TAOK1: variants seen among roughly 807,000 people sequenced by gnomAD.
The protein encoded by TAOK1 is TAO kinase 1, also known as serine/threonine-protein kinase TAO1.
TAOK1 carries 21 observed loss-of-function variants against 138.3 expected under a neutral mutation model. That is an observed-to-expected ratio of 0.15 (90% confidence interval 0.11 to 0.22). The LOEUF (loss-of-function observed/expected upper bound fraction) is 0.22, where lower values mean the gene tolerates loss of function less well. TAOK1 is among the 10% of genes least tolerant of loss of function. The pLI is 1.00. For synonymous variants in TAOK1, 361 were observed against 398.4 expected, an observed-to-expected ratio of 0.91 and a Z score of 1.12; for missense variants, 651 against 1,227.7, an observed-to-expected ratio of 0.53 and a Z score of 7.02.
At chr17:29,409,667 G>A (rs1471599533) in intron 1 of TAOK1, among the ~76,000 whole-genome samples, 2 of 152,020 alleles carry the variant, frequency 1.3e-5, no homozygotes, top group African/African-American at 4.8e-5. Flanking sequence ...CTAACCCTAA[G>A]TCTTCTAAAT....
At chr17:29,468,423 C>T (rs2030735053) in intron 3 of TAOK1, among the ~76,000 whole-genome samples, 1 of 151,864 alleles carries the variant, frequency 6.6e-6, no homozygotes, top group Non-Finnish European at 1.5e-5. Context: ...AGGCGTAAGC[C>T]ACCGCTCCCA....
chr17:29,435,855 G>C (rs1451428509), intron 1 of TAOK1, among the ~76,000 whole-genome samples: 3 of 152,240 alleles, frequency 2.0e-5, no homozygotes, highest in Non-Finnish European at 4.4e-5. Flanking sequence ...GATAGGCGGG[G>C]TGCGGTGGCT....
chr17:29,536,014 C>T (rs991423674), intron 19 of TAOK1, among the ~76,000 whole-genome samples: 4 of 152,112 alleles, frequency 2.6e-5, no homozygotes, highest in Non-Finnish European at 5.9e-5. Flanking sequence ...AAGATAAGGC[C>T]AGGCACAGTG....
At chr17:29,503,395 CAAAAAAA>C (rs5819870) in intron 13 of TAOK1, among the ~76,000 whole-genome samples, 11 of 84,970 alleles carry the variant, frequency 1.3e-4, no homozygotes, top group South Asian at 7.8e-4. Flanking sequence ...GACTCTGTCT[CAAAAAAA>C]AAAAAAAAAA....
At chr17:29,501,405 A>C (rs539807068) in intron 12 of TAOK1, among the ~76,000 whole-genome samples, 90 of 147,752 alleles carry the variant, frequency 6.1e-4, no homozygotes, top group Middle Eastern at 7.0e-3. Context: ...TCTGGGCAAC[A>C]AAATGGAGAC....
intron 1 of TAOK1, among the ~76,000 whole-genome samples, chr17:29,400,135 T>G (rs1904791620): frequency 6.6e-6 from 1 of 152,144 alleles, no homozygotes; most frequent in East Asian, 1.9e-4. Context: ...GGCTCAGGCC[T>G]GTAATCTCAG....
chr17:29,441,959 G>A (rs1041749422), intron 1 of TAOK1, among the ~76,000 whole-genome samples: 5 of 151,060 alleles, frequency 3.3e-5, no homozygotes, highest in African/African-American at 1.2e-4. Flanking sequence ...CTATCTTTTT[G>A]TTCTTTTCTG....
intron 1 of TAOK1, chr17:29,404,135 G>C (rs1310724366): frequency 6.6e-6 from 1 of 151,776 alleles, no homozygotes; most frequent in Non-Finnish European, 1.5e-5. Context: ...TGTGTGGGGG[G>C]GGATTTTGTT....
At chr17:29,430,911 G>A (rs960887955) in intron 1 of TAOK1, among the ~76,000 whole-genome samples, 1 of 152,164 alleles carries the variant, frequency 6.6e-6, no homozygotes, top group Non-Finnish European at 1.5e-5. Context: ...ACCTGGAACT[G>A]GCTGGAACTT....
chr17:29,392,776 T>C (rs1044213555), intron 1 of TAOK1, among the ~76,000 whole-genome samples: 1 of 152,238 alleles, frequency 6.6e-6, no homozygotes, highest in African/African-American at 2.4e-5. Flanking sequence ...CAGCTCTACT[T>C]AGTGACTTAT....
At chr17:29,395,579 C>T (rs548521540) in intron 1 of TAOK1, among the ~76,000 whole-genome samples, 52 of 150,880 alleles carry the variant, frequency 3.4e-4, no homozygotes, top group African/African-American at 1.1e-3. Flanking sequence ...AGTAAAGTTT[C>T]GCATAAAATT....
At chr17:29,450,529 T>A (rs1017120738) in intron 1 of TAOK1, among the ~76,000 whole-genome samples, 3 of 151,644 alleles carry the variant, frequency 2.0e-5, no homozygotes, top group African/African-American at 7.3e-5. Context: ...TGTTTTGTTT[T>A]GAGACAGGAT....
At chr17:29,446,737 CTTTT>C (rs34871616) in intron 1 of TAOK1, among the ~76,000 whole-genome samples, 1 of 119,868 alleles carries the variant, frequency 8.3e-6, no homozygotes, top group African/African-American at 3.3e-5. Flanking sequence ...TTTTACTGTA[CTTTT>C]TTTTTTTTTT....
At chr17:29,515,510 C>T (rs1011849479) in intron 15 of TAOK1, among the ~76,000 whole-genome samples, 2 of 152,154 alleles carry the variant, frequency 1.3e-5, no homozygotes, top group Non-Finnish European at 2.9e-5. Context: ...GTACATATCT[C>T]TCTTTCCTTT....
At position 29,547,217 on chromosome 17, in the gene TAOK1, A is replaced by G. The variant is rs2032416288; in HGVS notation, c.*4195A>G. On this transcript the variant is annotated 3_prime_UTR_variant, in exon 20 of 20. Transcript: ENST00000261716. Reference sequence around the variant, plus strand: ...TACCATTGATCCTCTTACTTTTTTTACTCCATTAATACTAATAATTATATA... The same window carrying G: ...TACCATTGATCCTCTTACTTTTTTTGCTCCATTAATACTAATAATTATATA... The G allele has an allele frequency of 6.6e-6, 1 of 151,978 alleles. No homozygotes were observed. Among genetic ancestry groups the G allele is most frequent in the Non-Finnish European group, 1.5e-5 (1 of 67,952 alleles). 9.4% of individuals were successfully genotyped at this position (151,978 alleles called of 1,614,324 possible).
chr17:29,429,383 C>G (rs1482818996), intron 1 of TAOK1, among the ~76,000 whole-genome samples: 1 of 151,842 alleles, frequency 6.6e-6, no homozygotes, highest in East Asian at 1.9e-4. Flanking sequence ...TCAGGTGATT[C>G]TTGTGTCTCA....
At chr17:29,512,050 C>T (rs1381585622) in intron 15 of TAOK1, 1 of 148,040 alleles carries the variant, frequency 6.8e-6, no homozygotes, top group Non-Finnish European at 1.5e-5. Context: ...GGCCTCCCCC[C>T]TACCCCCCGC....
At chr17:29,418,935 T>C (rs906971291) in intron 1 of TAOK1, among the ~76,000 whole-genome samples, 1 of 113,754 alleles carries the variant, frequency 8.8e-6, no homozygotes, top group Non-Finnish European at 1.7e-5. Flanking sequence ...CTTTGCTTTT[T>C]TTTTTTTTTT....
chr17:29,518,585 G>C (rs931905716), intron 16 of TAOK1, among the ~76,000 whole-genome samples: 3 of 152,174 alleles, frequency 2.0e-5, no homozygotes, highest in Non-Finnish European at 4.4e-5. Context: ...CTGTAGGGTA[G>C]GGAGGTTGTT....
Sources: gnomAD v4.1 joint callset for allele counts (sites outside exome capture counted in the v4.1 genomes callset) on GRCh38, gnomAD v4.1.1 for gene constraint, MANE v1.5 for transcripts, NCBI Gene and HGNC (gene_info 2026-07-23, HGNC 2026-07-21) for gene names.